CRADD: variants seen among roughly 807,000 people sequenced by gnomAD.
CRADD encodes the protein death domain-containing protein CRADD.
Under a neutral mutation model 15.5 loss-of-function variants are expected in CRADD, and 9 were observed. The ratio of observed to expected loss-of-function variants is 0.58; its 90% CI spans 0.35 to 1.01. The LOEUF is 1.01. Among genes scored for constraint, CRADD ranks in the 50% least tolerant of loss-of-function variants. CRADD has a pLI of 0.02. For missense variants in CRADD, 227 were observed against 250.3 expected, an observed-to-expected ratio of 0.91 and a Z score of 0.63; for synonymous variants, 118 against 107.6, an observed-to-expected ratio of 1.10 and a Z score of -0.60.
intron 2 of CRADD, among the ~76,000 whole-genome samples, chr12:93,807,300 G>A (rs1445478977): frequency 1.3e-5 from 2 of 152,124 alleles, no homozygotes; most frequent in African/African-American, 2.4e-5. Flanking sequence ...TAGGAGCACA[G>A]AGGGATGAAC....
intron 2 of CRADD, among the ~76,000 whole-genome samples, chr12:93,754,904 T>C (rs1592962843): frequency 6.6e-6 from 1 of 152,114 alleles, no homozygotes; most frequent in South Asian, 2.1e-4. Context: ...CCAGTACCAG[T>C]TTACTGTATC....
chr12:93,703,670 T>A (rs1203601487), intron 2 of CRADD, among the ~76,000 whole-genome samples: 7 of 152,052 alleles, frequency 4.6e-5, no homozygotes, highest in Non-Finnish European at 8.8e-5. Context: ...CCTCTTTTTT[T>A]AAAAAATAAT....
chr12:93,788,934 A>G (rs1158951484), intron 2 of CRADD, among the ~76,000 whole-genome samples: 1 of 152,106 alleles, frequency 6.6e-6, no homozygotes, highest in Non-Finnish European at 1.5e-5. Flanking sequence ...GGCTACTCTG[A>G]AATAGAAGCA....
rs550672985 is a variant in CRADD, at chr12:93,714,193, G to A, written c.298+35121G>A. 7.2e-4 allele frequency among the ~76,000 whole-genome samples: 109 copies of A among 152,324 alleles called. No individual in the cohort carries two copies. The South Asian group carries it at 0.022, about 30-fold the overall frequency. ...TTCCTTGTCACTATACATAATTCAAGAAGAGGCTAAATAGCTGCTTAATGA... is the reference window on the plus strand; with the variant it reads ...TTCCTTGTCACTATACATAATTCAAAAAGAGGCTAAATAGCTGCTTAATGA... On this transcript the variant is annotated intron_variant, in intron 2 of 2. Transcript: ENST00000332896.
chr12:93,738,400 G>A, intron 2 of CRADD: 2 of 702,270 alleles, frequency 2.8e-6, no homozygotes, highest in Non-Finnish European at 5.2e-6. Context: ...TCCATGAGAT[G>A]CAGTTGCCAT....
At chr12:93,891,718 G>T (rs1388483214) in intron 2 of CRADD, among the ~76,000 whole-genome samples, 1 of 152,198 alleles carries the variant, frequency 6.6e-6, no homozygotes, top group Non-Finnish European at 1.5e-5. Flanking sequence ...CTGAGGCTCA[G>T]AGAGGTTGGA....
chr12:93,786,536 A>C (rs1477573737), intron 2 of CRADD, among the ~76,000 whole-genome samples: 1 of 152,152 alleles, frequency 6.6e-6, no homozygotes, highest in Non-Finnish European at 1.5e-5. Context: ...AGTTGCTCAC[A>C]GTTTTTAAAA....
chr12:93,808,717 G>A (rs1040756009), intron 2 of CRADD, among the ~76,000 whole-genome samples: 3 of 152,042 alleles, frequency 2.0e-5, no homozygotes, highest in African/African-American at 7.2e-5. Flanking sequence ...TCACCTCTGA[G>A]TGAGCCAATG....
At chr12:93,863,594 ATTTGTGTGTGTGTG>A (rs1958335643) in intron 2 of CRADD, among the ~76,000 whole-genome samples, 1 of 69,962 alleles carries the variant, frequency 1.4e-5, no homozygotes, top group South Asian at 5.3e-4. Context: ...GTGTGGAGGC[ATTTGTGTGTGTGTG>A]TGTGTGTGTG....
chr12:93,801,877 A>G (rs1053397532), intron 2 of CRADD, among the ~76,000 whole-genome samples: 2 of 152,156 alleles, frequency 1.3e-5, no homozygotes, highest in African/African-American at 4.8e-5. Flanking sequence ...ACAAGTCCCC[A>G]AAGTCCATTA....
chr12:93,811,512 A>C (rs1345347140), intron 2 of CRADD, among the ~76,000 whole-genome samples: 1 of 152,236 alleles, frequency 6.6e-6, no homozygotes, highest in Admixed American at 6.5e-5. Context: ...GTAGTGTAGC[A>C]GGATGATCAC....
intron 2 of CRADD, among the ~76,000 whole-genome samples, chr12:93,781,778 T>C (rs1957213174): frequency 6.6e-6 from 1 of 152,194 alleles, no homozygotes; most frequent in Non-Finnish European, 1.5e-5. Context: ...TAAACACCAC[T>C]ACAAGGGTAC....
chr12:93,816,687 C>T (rs1238722716), intron 2 of CRADD, among the ~76,000 whole-genome samples: 3 of 152,182 alleles, frequency 2.0e-5, no homozygotes, highest in African/African-American at 4.8e-5. Flanking sequence ...GGTAGTGCGG[C>T]TCTAGTGCAA....
chr12:93,860,314 C>A (rs1177571423), intron 2 of CRADD, among the ~76,000 whole-genome samples: 1 of 152,176 alleles, frequency 6.6e-6, no homozygotes, highest in East Asian at 1.9e-4. Flanking sequence ...GCTCCTTTTA[C>A]TTTCCTAGAG....
Position 93,805,468 on chromosome 12 carries a change from T to C in CRADD, c.299-44502T>C, listed in dbSNP as rs964830183. On this transcript the variant is annotated intron_variant, in intron 2 of 2. Transcript: ENST00000332896. ...ACATTACGTTATACTCAGTTTTTCT[T>C]TTTCTTTATTTTTTTGAGCCAGTCC... is the stretch of plus-strand genomic sequence containing the variant. Among the ~76,000 whole-genome samples, 27 of 152,016 alleles carry C rather than the reference T, an allele frequency of 1.8e-4. 1 individual carries two copies. The highest frequency in any genetic ancestry group is 3.5e-4 in the Non-Finnish European group (24 of 68,026).
At chr12:93,855,344 C>A (rs1958263781), downstream of CRADD, among the ~76,000 whole-genome samples, 1 of 152,144 alleles carries the variant, frequency 6.6e-6, no homozygotes, top group Non-Finnish European at 1.5e-5. Flanking sequence ...CAGAGCCTCA[C>A]CTCATTCAGC....
intron 2 of CRADD, among the ~76,000 whole-genome samples, chr12:93,744,733 A>G (rs1449951606): frequency 6.6e-6 from 1 of 152,226 alleles, no homozygotes; most frequent in African/African-American, 2.4e-5. Flanking sequence ...AATAAATCCA[A>G]GTAACATCAA....
chr12:93,685,410 A>G (rs894371581), intron 2 of CRADD, among the ~76,000 whole-genome samples: 1 of 152,212 alleles, frequency 6.6e-6, no homozygotes, highest in African/African-American at 2.4e-5. Flanking sequence ...ATGTGTTTTC[A>G]AAATGCTAGA....
intron 2 of CRADD, among the ~76,000 whole-genome samples, chr12:93,746,198 G>T (rs1457598152): frequency 6.6e-6 from 1 of 152,116 alleles, no homozygotes; most frequent in Non-Finnish European, 1.5e-5. Context: ...AAGAAGATTG[G>T]GATTTTCCCT....
Sources: gnomAD v4.1 joint callset for allele counts (sites outside exome capture counted in the v4.1 genomes callset) on GRCh38, gnomAD v4.1.1 for gene constraint, MANE v1.5 for transcripts, NCBI Gene and HGNC (gene_info 2026-07-23, HGNC 2026-07-21) for gene names.